DPP10: variants seen among roughly 807,000 people sequenced by gnomAD.
DPP10 encodes the protein dipeptidyl peptidase like 10.
DPP10 carries 33 observed loss-of-function variants against 120.9 expected under a neutral mutation model. The observed-to-expected ratio is 0.27, with a 90% CI of 0.21 to 0.37. The LOEUF is 0.37. DPP10 is among the 10% of genes least tolerant of loss of function. DPP10 has a pLI of 1.00. For synonymous variants in DPP10, 337 were observed against 326.1 expected, an observed-to-expected ratio of 1.03 and a Z score of -0.36; for missense variants, 816 against 942.8, an observed-to-expected ratio of 0.87 and a Z score of 1.76.
intron 1 of DPP10, among the ~76,000 whole-genome samples, chr2:114,561,632 A>C (rs1688773582): frequency 1.3e-5 from 2 of 151,806 alleles, no homozygotes; most frequent in Non-Finnish European, 2.9e-5. Flanking sequence ...TTTAGCATCT[A>C]GTCATCAGTT....
intron 1 of DPP10, among the ~76,000 whole-genome samples, chr2:114,687,717 T>C (rs2105748900): frequency 6.6e-6 from 1 of 152,030 alleles, no homozygotes; most frequent in East Asian, 2.0e-4. Flanking sequence ...ATAAGTCACA[T>C]CCCAAGAAAA....
At chr2:115,503,053 T>C (rs2076765554) in intron 4 of DPP10, among the ~76,000 whole-genome samples, 1 of 152,046 alleles carries the variant, frequency 6.6e-6, no homozygotes, top group African/African-American at 2.4e-5. Flanking sequence ...AATTGAGAGA[T>C]AAGACTCTAA....
At chr2:115,641,212 C>T (rs1276843089) in intron 5 of DPP10, among the ~76,000 whole-genome samples, 3 of 152,148 alleles carry the variant, frequency 2.0e-5, no homozygotes, top group East Asian at 3.9e-4. Flanking sequence ...TGCCTGTGTT[C>T]TGTCTGCTTC....
At chr2:115,631,618 T>C (rs1302591601) in intron 5 of DPP10, among the ~76,000 whole-genome samples, 1 of 152,222 alleles carries the variant, frequency 6.6e-6, no homozygotes, top group African/African-American at 2.4e-5. Context: ...GTCTCTTTGT[T>C]CTCATTGGTT....
At chr2:115,376,543 A>T (rs1303153676) in intron 3 of DPP10, among the ~76,000 whole-genome samples, 51 of 146,518 alleles carry the variant, frequency 3.5e-4, no homozygotes, top group Admixed American at 1.8e-3. Context: ...TTTTTTTTTT[A>T]AATTTTATTT....
intron 1 of DPP10, among the ~76,000 whole-genome samples, chr2:114,455,536 C>A (rs1430717046): frequency 6.8e-6 from 1 of 146,548 alleles, no homozygotes; most frequent in Non-Finnish European, 1.5e-5. Context: ...CAGTTCAAGA[C>A]TCTGTCTCAA....
intron 1 of DPP10, among the ~76,000 whole-genome samples, chr2:114,886,166 T>G (rs1348214735): frequency 6.6e-6 from 1 of 152,200 alleles, no homozygotes; most frequent in African/African-American, 2.4e-5. Flanking sequence ...ACTTTTATTT[T>G]TAGAACTGCA....
At chr2:114,745,529 A>G (rs566949061) in intron 1 of DPP10, among the ~76,000 whole-genome samples, 3 of 152,356 alleles carry the variant, frequency 2.0e-5, no homozygotes, top group South Asian at 2.1e-4. Context: ...AAAGAAATAC[A>G]TGGTATGATG....
chr2:114,761,649 T>C (rs974935800), intron 1 of DPP10, among the ~76,000 whole-genome samples: 27 of 152,142 alleles, frequency 1.8e-4, no homozygotes, highest in African/African-American at 6.0e-4. Flanking sequence ...GGGGAACCAG[T>C]GAAAGCGCAG....
intron 5 of DPP10, among the ~76,000 whole-genome samples, chr2:115,543,273 C>G (rs919701194): frequency 1.3e-5 from 2 of 151,958 alleles, no homozygotes; most frequent in African/African-American, 4.8e-5. Context: ...TGATCTAAGT[C>G]AAGTCTCAGT....
chr2:114,838,864 T>C (rs962361513), intron 1 of DPP10, among the ~76,000 whole-genome samples: 2 of 152,182 alleles, frequency 1.3e-5, no homozygotes, highest in Non-Finnish European at 2.9e-5. Context: ...CTATTCTTTA[T>C]CTCATTTTTA....
chr2:115,660,064 C>T (rs1156888966), intron 5 of DPP10, among the ~76,000 whole-genome samples: 1 of 152,104 alleles, frequency 6.6e-6, no homozygotes, highest in Non-Finnish European at 1.5e-5. Flanking sequence ...TATTGAAGGG[C>T]TACTGTGTCA....
intron 1 of DPP10, among the ~76,000 whole-genome samples, chr2:115,301,411 A>C (rs1288470781): frequency 6.6e-6 from 1 of 151,912 alleles, no homozygotes; most frequent in Admixed American, 6.6e-5. Flanking sequence ...GAACTTTGCA[A>C]AATAAGTTCC....
chr2:115,804,194 C>T (rs140471595), intron 19 of DPP10, among the ~76,000 whole-genome samples: 2,772 of 152,290 alleles, frequency 0.018, 87 homozygotes, highest in African/African-American at 0.061. Context: ...TCTTCTATCG[C>T]TGATACCCTT....
chr2:114,947,859 T>C (rs1482888047), intron 1 of DPP10, among the ~76,000 whole-genome samples: 1 of 152,062 alleles, frequency 6.6e-6, no homozygotes, highest in East Asian at 1.9e-4. Context: ...GCTTTTTGAA[T>C]TTTCCTTTGG....
At chr2:115,686,942 A>T (rs1259040211) in intron 5 of DPP10, among the ~76,000 whole-genome samples, 1 of 151,970 alleles carries the variant, frequency 6.6e-6, no homozygotes, top group Non-Finnish European at 1.5e-5. Flanking sequence ...TACAGGAAAA[A>T]CTGTTACTCT....
At chr2:114,875,846 T>C (rs1376221783) in intron 1 of DPP10, among the ~76,000 whole-genome samples, 1 of 152,162 alleles carries the variant, frequency 6.6e-6, no homozygotes. Flanking sequence ...TTTCCAAATA[T>C]ATAAAAATAA....
chr2:115,714,925 G>C (rs2092438816), intron 7 of DPP10, among the ~76,000 whole-genome samples: 1 of 151,276 alleles, frequency 6.6e-6, no homozygotes. Context: ...AGCTACTTGG[G>C]ATGCTGAGGC....
chr2:114,497,527 A>G (rs1164857033), intron 1 of DPP10, among the ~76,000 whole-genome samples: 1 of 151,558 alleles, frequency 6.6e-6, no homozygotes, highest in Non-Finnish European at 1.5e-5. Flanking sequence ...ATTCAGGAAA[A>G]AAAACCAAAA....
Sources: gnomAD v4.1 joint callset for allele counts (sites outside exome capture counted in the v4.1 genomes callset) on GRCh38, gnomAD v4.1.1 for gene constraint, MANE v1.5 for transcripts, NCBI Gene and HGNC (gene_info 2026-07-23, HGNC 2026-07-21) for gene names.